The following CDYL variants were observed in gnomAD, a reference collection of about 807,000 sequenced individuals.
The protein encoded by CDYL is chromodomain Y like, also known as chromodomain Y-like protein.
A neutral mutation model predicts 47.3 loss-of-function variants in CDYL; 8 were observed. The ratio of observed to expected loss-of-function variants is 0.17; its 90% CI spans 0.10 to 0.31. The LOEUF is 0.31. Ranked by LOEUF, CDYL falls within the 10% of genes least tolerant of loss-of-function variation. CDYL has a pLI of 1.00. For synonymous variants in CDYL, 266 were observed against 265.0 expected, an observed-to-expected ratio of 1.00 and a Z score of -0.04; for missense variants, 471 against 701.4, an observed-to-expected ratio of 0.67 and a Z score of 3.71.
intron 1 of CDYL, among the ~76,000 whole-genome samples, chr6:4,883,270 G>A (rs1345851453): frequency 1.3e-5 from 2 of 152,134 alleles, no homozygotes; most frequent in East Asian, 3.9e-4. Flanking sequence ...AATGATCCTT[G>A]TCATTCAGAA....
intron 1 of CDYL, among the ~76,000 whole-genome samples, chr6:4,863,934 A>G (rs563627689): frequency 6.6e-6 from 1 of 152,366 alleles, no homozygotes; most frequent in South Asian, 2.1e-4. Flanking sequence ...AAGTTGAAAC[A>G]CGCTAAAACC....
chr6:4,757,071 T>A (rs115517699), intron 3 of CDYL, among the ~76,000 whole-genome samples: 3,386 of 152,326 alleles, frequency 0.022, 86 homozygotes, highest in African/African-American at 0.057. Flanking sequence ...TATAACTGAT[T>A]GACATGAATA....
intron 2 of CDYL, among the ~76,000 whole-genome samples, chr6:4,921,038 A>G (rs1440055298): frequency 1.3e-5 from 2 of 151,720 alleles, no homozygotes; most frequent in Non-Finnish European, 2.9e-5. Context: ...TAGTAATTCC[A>G]TCAGCATGAT....
chr6:4,867,256 T>A (rs940329221), intron 1 of CDYL, among the ~76,000 whole-genome samples: 8 of 152,108 alleles, frequency 5.3e-5, no homozygotes, highest in Admixed American at 2.0e-4. Flanking sequence ...TTTTAAAAAA[T>A]TTCTTAATTT....
intron 1 of CDYL, among the ~76,000 whole-genome samples, chr6:4,788,014 T>G (rs1758802913): frequency 6.6e-6 from 1 of 151,618 alleles, no homozygotes; most frequent in Non-Finnish European, 1.5e-5. Flanking sequence ...TCAACTGATC[T>G]GCCCACCTTG....
intron 5 of CDYL, among the ~76,000 whole-genome samples, chr6:4,944,439 G>C (rs557424624): frequency 6.6e-6 from 1 of 152,188 alleles, no homozygotes; most frequent in Non-Finnish European, 1.5e-5. Flanking sequence ...TGCGGGAAGC[G>C]TTGCACCCTG....
At chr6:4,952,451 T>C (rs1380779403) in intron 6 of CDYL, 42 bp downstream of exon 6, 9 of 1,576,956 alleles carry the variant, frequency 5.7e-6, no homozygotes, top group African/African-American at 2.7e-5. Flanking sequence ...TTTTAAAAAA[T>C]AGAAACTTTT....
At chr6:4,884,394 G>A (rs1015330463) in intron 1 of CDYL, among the ~76,000 whole-genome samples, 5 of 152,182 alleles carry the variant, frequency 3.3e-5, no homozygotes, top group African/African-American at 7.2e-5. Context: ...TATTAGATGT[G>A]TGAGACAAAT....
At chr6:4,891,614 A>G (rs191010381) in intron 1 of CDYL, 99 bp from the exon 2 acceptor site, 40 of 869,552 alleles carry the variant, frequency 4.6e-5, no homozygotes, top group Admixed American at 3.6e-4. Context: ...TTTATCATCT[A>G]TTGTGGTTTT....
At chr6:4,780,942 G>A (rs1172335226) in intron 1 of CDYL, among the ~76,000 whole-genome samples, 1 of 152,166 alleles carries the variant, frequency 6.6e-6, no homozygotes, top group African/African-American at 2.4e-5. Context: ...TAGTAAAATG[G>A]AATAAGTATT....
chr6:4,735,721 G>A lies in CDYL; in HGVS notation c.186+877G>A, dbSNP rs570718167. On this transcript the variant is annotated intron_variant, in intron 3 of 8. Transcript: ENST00000328908. The stretch of plus-strand genomic sequence containing the variant: ...GTGGAGGTTGCGGCGAGCTGAGATC[G>A]CTCCACTGCACTCTAGCACGGGCAA... 3.9e-5 allele frequency among the ~76,000 whole-genome samples: 6 copies of A among 151,952 alleles called. No homozygotes were observed. In the East Asian group the frequency reaches 5.8e-4, roughly 15 times the overall value.
At chr6:4,849,950 G>C (rs1760775916) in intron 1 of CDYL, among the ~76,000 whole-genome samples, 1 of 150,826 alleles carries the variant, frequency 6.6e-6, no homozygotes, top group African/African-American at 2.4e-5. Flanking sequence ...GGGGAGGGAG[G>C]GGGGCAGTTC....
At chr6:4,781,602 T>C (rs1387782220) in intron 1 of CDYL, among the ~76,000 whole-genome samples, 2 of 152,224 alleles carry the variant, frequency 1.3e-5, no homozygotes, top group Non-Finnish European at 2.9e-5. Flanking sequence ...AGACCTCTCA[T>C]GTGCTCTTCC....
At chr6:4,722,852 G>A (rs920035906) in intron 2 of CDYL, among the ~76,000 whole-genome samples, 5 of 152,202 alleles carry the variant, frequency 3.3e-5, no homozygotes, top group Non-Finnish European at 7.3e-5. Context: ...ACTCCAGCCT[G>A]GGTGATAAGA....
intron 2 of CDYL, among the ~76,000 whole-genome samples, chr6:4,719,912 C>A (rs999720622): frequency 1.2e-4 from 18 of 152,194 alleles, no homozygotes; most frequent in Admixed American, 2.6e-4. Context: ...AGCTTTGGAC[C>A]AAATTATCCC....
chr6:4,897,790 G>GTTTTGTT (rs75519192), intron 2 of CDYL, among the ~76,000 whole-genome samples: 3 of 140,220 alleles, frequency 2.1e-5, no homozygotes, highest in Admixed American at 6.9e-5. Flanking sequence ...GAAGGTTTTT[G>GTTTTGTT]TTTTTTTTTT....
At chr6:4,897,185 A>G (rs1004253537) in intron 2 of CDYL, among the ~76,000 whole-genome samples, 4 of 152,218 alleles carry the variant, frequency 2.6e-5, no homozygotes, top group African/African-American at 9.6e-5. Flanking sequence ...TCATGGATTC[A>G]AACATATAAT....
At chr6:4,950,078 C>T (rs1165019524) in intron 5 of CDYL, among the ~76,000 whole-genome samples, 1 of 152,138 alleles carries the variant, frequency 6.6e-6, no homozygotes, top group Non-Finnish European at 1.5e-5. Context: ...AAGGGCCGTT[C>T]TCGGCTGGTA....
intron 1 of CDYL, among the ~76,000 whole-genome samples, chr6:4,868,187 A>G (rs988481783): frequency 6.6e-6 from 1 of 151,666 alleles, no homozygotes; most frequent in South Asian, 2.1e-4. Context: ...TATTTCTTCA[A>G]TAGAAAGATT....
Sources: allele counts gnomAD v4.1 joint callset (sites outside exome capture counted in the v4.1 genomes callset), GRCh38; gene constraint gnomAD v4.1.1; transcripts MANE v1.5; gene names NCBI Gene and HGNC (gene_info 2026-07-23, HGNC 2026-07-21).